CALN1: variants seen among roughly 807,000 people sequenced by gnomAD.
CALN1 encodes the protein calcium-binding protein 8.
In CALN1, 17 loss-of-function variants were observed where a neutral mutation model predicts 30.6. The ratio of observed to expected loss-of-function variants is 0.56; its 90% CI spans 0.38 to 0.83. The LOEUF (loss-of-function observed/expected upper bound fraction) is 0.83. Ranked by LOEUF, CALN1 falls within the 40% of genes least tolerant of loss-of-function variation. CALN1 has a pLI of 0.00. For synonymous variants in CALN1, 156 were observed against 131.4 expected, an observed-to-expected ratio of 1.19 and a Z score of -1.28; for missense variants, 291 against 354.9, an observed-to-expected ratio of 0.82 and a Z score of 1.45.
At chr7:71,818,054 C>T (rs1312245881) in intron 5 of CALN1, among the ~76,000 whole-genome samples, 1 of 152,042 alleles carries the variant, frequency 6.6e-6, no homozygotes, top group Non-Finnish European at 1.5e-5. Flanking sequence ...ATGACTCTGC[C>T]AGATACTGTG....
chr7:72,318,999 G>T (rs1304617948), intron 2 of CALN1, among the ~76,000 whole-genome samples: 2 of 151,940 alleles, frequency 1.3e-5, no homozygotes, highest in East Asian at 3.9e-4. Flanking sequence ...ACTGAAAAGA[G>T]AACTACATTT....
At chr7:71,788,376 G>A (rs1192304780) in intron 6 of CALN1, among the ~76,000 whole-genome samples, 1 of 151,860 alleles carries the variant, frequency 6.6e-6, no homozygotes, top group Non-Finnish European at 1.5e-5. Flanking sequence ...GTTTTCTTGG[G>A]TTTTGCTAAT....
At chr7:72,470,450 C>T in the CALN1 span, among the ~76,000 whole-genome samples, 2 of 152,090 alleles carry the variant, frequency 1.3e-5, no homozygotes, top group Admixed American at 1.3e-4. Context: ...TCAAATGGCA[C>T]TTTGAGATGA....
chr7:72,487,899 A>T, the CALN1 span, among the ~76,000 whole-genome samples: 1 of 83,868 alleles, frequency 1.2e-5, no homozygotes, highest in Non-Finnish European at 2.4e-5. Flanking sequence ...GAAAAGAAAG[A>T]AAGAAAGAAA....
At chr7:72,337,096 G>A (rs1190045366) in intron 2 of CALN1, 24 of 985,602 alleles carry the variant, frequency 2.4e-5, no homozygotes, top group Non-Finnish European at 2.8e-5. Flanking sequence ...CCATGTGCGC[G>A]GCTGCCTCGC....
intron 5 of CALN1, among the ~76,000 whole-genome samples, chr7:71,851,978 AC>A (rs1236220688): frequency 2.0e-5 from 3 of 152,110 alleles, no homozygotes; most frequent in Non-Finnish European, 1.5e-5. Context: ...ACCCTGCAGA[AC>A]CCGAGGGACA....
At chr7:72,050,954 T>C (rs1802794603) in intron 4 of CALN1, among the ~76,000 whole-genome samples, 1 of 151,696 alleles carries the variant, frequency 6.6e-6, no homozygotes, top group Non-Finnish European at 1.5e-5. Flanking sequence ...GTTGTGCCAC[T>C]ACTGCATTCC....
At chr7:72,397,916 C>T (rs576244183) in intron 2 of CALN1, among the ~76,000 whole-genome samples, 1 of 152,254 alleles carries the variant, frequency 6.6e-6, no homozygotes, top group East Asian at 1.9e-4. Flanking sequence ...ACTGCTGCAT[C>T]CTGCTAGCAT....
the CALN1 span, among the ~76,000 whole-genome samples, chr7:72,491,146 A>G: frequency 6.6e-6 from 1 of 151,690 alleles, no homozygotes; most frequent in African/African-American, 2.4e-5. Context: ...CGGGAGGCTG[A>G]GGCAGGAGAA....
intron 4 of CALN1, among the ~76,000 whole-genome samples, chr7:72,028,058 C>A (rs1584776411): frequency 2.5e-4 from 21 of 82,858 alleles, no homozygotes; most frequent in South Asian, 1.8e-3. Flanking sequence ...GACTCCGTCT[C>A]AAAAAAAAAA....
the CALN1 span, among the ~76,000 whole-genome samples, chr7:72,498,603 G>A: frequency 9.2e-5 from 14 of 152,070 alleles, no homozygotes; most frequent in Non-Finnish European, 1.9e-4. Flanking sequence ...TGAATGCAAA[G>A]AAAACAAGAC....
At chr7:72,411,290 C>A (rs1040240554) in intron 1 of CALN1, among the ~76,000 whole-genome samples, 3 of 151,936 alleles carry the variant, frequency 2.0e-5, no homozygotes, top group African/African-American at 7.3e-5. Flanking sequence ...TACTTTAGAA[C>A]ATAATATTTT....
At chr7:71,817,691 T>C (rs959313337) in intron 5 of CALN1, among the ~76,000 whole-genome samples, 1 of 151,996 alleles carries the variant, frequency 6.6e-6, no homozygotes, top group Non-Finnish European at 1.5e-5. Context: ...AATTTTTGCA[T>C]TTTTAGTAGA....
At chr7:72,327,576 C>G (rs1489486299) in intron 2 of CALN1, among the ~76,000 whole-genome samples, 2 of 152,184 alleles carry the variant, frequency 1.3e-5, no homozygotes, top group Non-Finnish European at 2.9e-5. Context: ...AAATATGACA[C>G]CAAAATAATT....
chr7:71,886,465 C>G (rs147769145), intron 5 of CALN1, among the ~76,000 whole-genome samples: 1 of 152,302 alleles, frequency 6.6e-6, no homozygotes, highest in East Asian at 1.9e-4. Context: ...ATGCAAGAGT[C>G]TGCGGTCAAT....
chr7:72,368,442 C>T (rs1021832609), intron 2 of CALN1, among the ~76,000 whole-genome samples: 5 of 151,640 alleles, frequency 3.3e-5, no homozygotes, highest in South Asian at 2.1e-4. Context: ...GGATTCTGCA[C>T]GACTTTGGCT....
chr7:71,789,016 T>C (rs1371984105), intron 6 of CALN1, among the ~76,000 whole-genome samples: 1 of 152,054 alleles, frequency 6.6e-6, no homozygotes, highest in Non-Finnish European at 1.5e-5. Context: ...TTGCCCAGTA[T>C]AATCTCAAAC....
At chr7:71,820,394 C>A (rs932579480) in intron 5 of CALN1, among the ~76,000 whole-genome samples, 1 of 152,216 alleles carries the variant, frequency 6.6e-6, no homozygotes, top group Non-Finnish European at 1.5e-5. Flanking sequence ...AGGCTGACCA[C>A]CTTGGGCACA....
At chr7:72,221,310 T>C (rs753006713) in intron 3 of CALN1, among the ~76,000 whole-genome samples, 1 of 135,232 alleles carries the variant, frequency 7.4e-6, no homozygotes, top group African/African-American at 2.7e-5. Flanking sequence ...AAGTCTTGGC[T>C]TCTTTTTTTT....
Sources: allele counts gnomAD v4.1 joint callset (sites outside exome capture counted in the v4.1 genomes callset), GRCh38; gene constraint gnomAD v4.1.1; transcripts MANE v1.5; gene names NCBI Gene and HGNC (gene_info 2026-07-23, HGNC 2026-07-21).